SCML4: variants seen among roughly 807,000 people sequenced by gnomAD.
SCML4 encodes the protein Scm polycomb group protein like 4.
In SCML4, 34 loss-of-function variants were observed where a neutral mutation model predicts 41.1. That is an observed-to-expected ratio of 0.83 (90% CI 0.63 to 1.10). The LOEUF (loss-of-function observed/expected upper bound fraction) is 1.10. SCML4 is among the 50% of genes least tolerant of loss of function. SCML4 has a pLI of 0.00. For missense variants in SCML4, 522 were observed against 534.1 expected (o/e 0.98, Z 0.22); for synonymous variants, 214 against 220.9 (o/e 0.97, Z 0.28).
chr6:107,841,968 G>A, the SCML4 span, among the ~76,000 whole-genome samples: 1 of 151,872 alleles, frequency 6.6e-6, no homozygotes, highest in South Asian at 2.1e-4. Flanking sequence ...GCTTGCTTTG[G>A]GTTTAATTGC....
chr6:107,800,074 C>T (rs1782996866), intron 1 of SCML4, among the ~76,000 whole-genome samples: 1 of 150,962 alleles, frequency 6.6e-6, no homozygotes, highest in Admixed American at 6.6e-5. Context: ...TGGTCTTGAA[C>T]TCCTGGGTTC....
chr6:107,780,777 C>G (rs187417485), intron 1 of SCML4, among the ~76,000 whole-genome samples: 218 of 151,370 alleles, frequency 1.4e-3, no homozygotes, highest in African/African-American at 4.5e-3. Flanking sequence ...GATTTCATAT[C>G]TTGGGGATAG....
At chr6:107,803,498 A>T (rs1783451017) in intron 1 of SCML4, among the ~76,000 whole-genome samples, 6 of 132,858 alleles carry the variant, frequency 4.5e-5, no homozygotes, top group Non-Finnish European at 8.2e-5. Context: ...GGCCGCCCCT[A>T]CTGGGAAGTG....
intron 6 of SCML4, chr6:107,720,010 T>A: frequency 1.0e-6 from 1 of 985,482 alleles, no homozygotes; most frequent in Non-Finnish European, 1.2e-6. Flanking sequence ...AAGCTTTCTT[T>A]AGTGGATGAG....
chr6:107,770,398 C>T (rs181475381), intron 2 of SCML4, among the ~76,000 whole-genome samples: 9 of 152,230 alleles, frequency 5.9e-5, no homozygotes, highest in South Asian at 4.2e-4. Flanking sequence ...GGGAACTTCA[C>T]ACAGAATGGC....
intron 6 of SCML4, chr6:107,720,300 C>G: frequency 9.4e-6 from 8 of 853,144 alleles, no homozygotes; most frequent in Non-Finnish European, 1.1e-5. Context: ...ACCTTCTTTC[C>G]CTTTCTATTC....
At chr6:107,723,613 A>G (rs2114414897) in intron 5 of SCML4, among the ~76,000 whole-genome samples, 1 of 152,364 alleles carries the variant, frequency 6.6e-6, no homozygotes, top group African/African-American at 2.4e-5. Context: ...AGAAAAAGAC[A>G]ATCTGAGTAG....
rs1282487441 is a variant in SCML4, at chr6:107,704,809, G to A, written c.*391C>T. 2 of 254,866 alleles carry A rather than the reference G, an allele frequency of 7.8e-6. No individual in the cohort carries two copies. Among genetic ancestry groups the A allele is most frequent in the African/African-American group, 4.7e-5 (2 of 42,506 alleles). 15.8% of individuals were successfully genotyped at this position (254,866 alleles called of 1,614,324 possible). On this transcript the variant is annotated 3_prime_UTR_variant, in exon 8 of 8. Transcript: ENST00000369020. ...AGAGTTAGAGGCAGATGGTGCTGAG[G>A]GGGTTGTCCCTGCAGAGACCGCAGG...
In SCML4 at chr6:107,703,641, G is replaced by C. The variant is rs1271554731; in HGVS notation, c.*1559C>G. On this transcript the variant is annotated 3_prime_UTR_variant, in exon 8 of 8. Transcript: ENST00000369020. Reference sequence around the variant, plus strand: ...GCTCTGTACAACGGCAGCTGATCAAGCGGTGAGGAGGTTGAGCCCCCACCC... The same window carrying C: ...GCTCTGTACAACGGCAGCTGATCAACCGGTGAGGAGGTTGAGCCCCCACCC... Among the ~76,000 whole-genome samples, 1 of 152,192 alleles carries C rather than the reference G, an allele frequency of 6.6e-6. No individual in the cohort carries two copies. Among genetic ancestry groups the C allele is most frequent in the Non-Finnish European group, 1.5e-5 (1 of 68,036 alleles).
chr6:107,797,332 G>A (rs1238290933), intron 1 of SCML4, among the ~76,000 whole-genome samples: 1 of 152,050 alleles, frequency 6.6e-6, no homozygotes, highest in Non-Finnish European at 1.5e-5. Context: ...GCAGGTTTTG[G>A]TGTAGACGTC....
chr6:107,713,425 T>A (rs1239428155), intron 6 of SCML4, among the ~76,000 whole-genome samples: 1 of 152,144 alleles, frequency 6.6e-6, no homozygotes, highest in Non-Finnish European at 1.5e-5. Flanking sequence ...CTCAGGCTGT[T>A]CCCACTAAGG....
chr6:107,818,956 G>T (rs1421855925), intron 1 of SCML4, among the ~76,000 whole-genome samples: 9 of 152,196 alleles, frequency 5.9e-5, no homozygotes, highest in Admixed American at 5.9e-4. Context: ...TTTCTCATCA[G>T]AGCAATGATG....
the SCML4 span, among the ~76,000 whole-genome samples, chr6:107,844,555 T>C: frequency 6.6e-6 from 1 of 151,878 alleles, no homozygotes; most frequent in Non-Finnish European, 1.5e-5. Flanking sequence ...TAAAATTTGC[T>C]GAACGTGGTA....
upstream of SCML4, among the ~76,000 whole-genome samples, chr6:107,827,930 C>T (rs962774262): frequency 3.3e-5 from 5 of 152,182 alleles, no homozygotes; most frequent in African/African-American, 1.2e-4. Flanking sequence ...CACAAGCATC[C>T]GATCGAGAGG....
chr6:107,825,936 CAAAAAAAAAA>C (rs71015515), upstream of SCML4, among the ~76,000 whole-genome samples: 75 of 62,628 alleles, frequency 1.2e-3, 1 homozygote, highest in African/African-American at 5.3e-3. Context: ...GACTCCATCT[CAAAAAAAAAA>C]AAAAAAAAAA....
chr6:107,839,401 GAAAGAA>G, the SCML4 span, among the ~76,000 whole-genome samples: 1 of 136,854 alleles, frequency 7.3e-6, no homozygotes, highest in African/African-American at 2.9e-5. Context: ...AAGAAAGAAA[GAAAGAA>G]AGAGGAAGAA....
chr6:107,724,209 A>G (rs138733711), intron 5 of SCML4, among the ~76,000 whole-genome samples: 19 of 152,340 alleles, frequency 1.2e-4, no homozygotes, highest in African/African-American at 4.6e-4. Context: ...TATCATGGCT[A>G]ATGGTCAAAG....
rs757850264 is a variant in SCML4 at position 107,749,710 on chromosome 6, C to T, written c.260G>A (p.Ser87Asn). The change falls in exon 3 of 8, where the codon AGC (serine) becomes AAC (asparagine). Residue 87 changes from serine (S) to asparagine (N), a missense_variant. Transcript: ENST00000369020. ...TGTGAGAGCCTGTGGGGCCGCCAAG[C>T]TGGGGACCGTGGCTGCGTCCTGAGG... ...SIPQDAATVP[S>N]LAAPQALTVC... The T allele has an allele frequency of 1.2e-6, 2 of 1,614,058 alleles. No individual in the cohort carries two copies. Among genetic ancestry groups the T allele is most frequent in the Non-Finnish European group, 1.7e-6 (2 of 1,180,012 alleles).
At chr6:107,823,496 G>GT (rs1785096541) in intron 1 of SCML4, among the ~76,000 whole-genome samples, 1 of 151,974 alleles carries the variant, frequency 6.6e-6, no homozygotes, top group Non-Finnish European at 1.5e-5. Context: ...ATAGTCACCA[G>GT]TTTTTTTCCC....
Sources: gnomAD v4.1 joint callset for allele counts (sites outside exome capture counted in the v4.1 genomes callset) on GRCh38, gnomAD v4.1.1 for gene constraint, MANE v1.5 for transcripts, NCBI Gene and HGNC (gene_info 2026-07-23, HGNC 2026-07-21) for gene names.